The following SLC25A13 variants were observed in gnomAD, a reference collection of about 807,000 sequenced individuals.
SLC25A13 encodes the protein solute carrier family 25 member 13.
SLC25A13 carries 70 observed loss-of-function variants against 85.5 expected under a neutral mutation model. The observed-to-expected ratio is 0.82, with a 90% confidence interval of 0.68 to 1.00. The LOEUF is 1.00. SLC25A13 is among the 50% of genes least tolerant of loss of function. SLC25A13 has a pLI of 0.00. For missense variants in SLC25A13, 765 were observed against 819.8 expected (o/e 0.93, Z 0.82); for synonymous variants, 259 against 288.7 (o/e 0.90, Z 1.04).
intron 2 of SLC25A13, among the ~76,000 whole-genome samples, chr7:96,279,665 G>C (rs1029944748): frequency 6.6e-6 from 1 of 152,058 alleles, no homozygotes. Context: ...GTGAAATTTG[G>C]GTGGGGACAC....
Position 96,211,226 on chromosome 7 carries a change from G to C in SLC25A13, c.329-2249C>G, listed in dbSNP as rs535792305. ...CTTACTAGAGCTCACATTTGAATCCGAAACTCTAAACGCTATAGTTTTTTG... is the reference window on the plus strand; with the variant it reads ...CTTACTAGAGCTCACATTTGAATCCCAAACTCTAAACGCTATAGTTTTTTG... On this transcript the variant is annotated intron_variant, in intron 4 of 17. Coordinates refer to ENST00000265631, the MANE Select transcript of SLC25A13 (RefSeq NM_014251.3). Among the ~76,000 whole-genome samples, 5 of 152,180 alleles carry C rather than the reference G, an allele frequency of 3.3e-5. No individual in the cohort carries two copies. In the South Asian group the frequency reaches 1.0e-3, roughly 32 times the overall value.
At chr7:96,296,410 TCA>T (rs1037346629) in intron 2 of SLC25A13, among the ~76,000 whole-genome samples, 7 of 151,784 alleles carry the variant, frequency 4.6e-5, no homozygotes, top group African/African-American at 1.2e-4. Flanking sequence ...CATGTTGTCA[TCA>T]CAGTCACCTA....
intron 3 of SLC25A13, among the ~76,000 whole-genome samples, chr7:96,270,220 T>C (rs1222128709): frequency 6.6e-6 from 1 of 152,206 alleles, no homozygotes; most frequent in Non-Finnish European, 1.5e-5. Flanking sequence ...AAACATCATG[T>C]TGCATATCAT....
intron 11 of SLC25A13, among the ~76,000 whole-genome samples, chr7:96,174,943 A>C (rs932075542): frequency 6.6e-6 from 1 of 152,222 alleles, no homozygotes; most frequent in African/African-American, 2.4e-5. Flanking sequence ...CCTGGTACTG[A>C]GAGGAACTGG....
chr7:96,196,199 T>C (rs899430023), intron 5 of SLC25A13, among the ~76,000 whole-genome samples: 1 of 152,194 alleles, frequency 6.6e-6, no homozygotes, highest in African/African-American at 2.4e-5. Flanking sequence ...AAACACCCTG[T>C]AGTGAAAAAT....
intron 13 of SLC25A13, among the ~76,000 whole-genome samples, chr7:96,162,741 G>A (rs1471253056): frequency 1.3e-5 from 2 of 152,142 alleles, no homozygotes; most frequent in Non-Finnish European, 2.9e-5. Context: ...TTATGGATTA[G>A]AATAGTCAAA....
chr7:96,237,246 T>C (rs1023302186), intron 3 of SLC25A13, among the ~76,000 whole-genome samples: 3 of 152,222 alleles, frequency 2.0e-5, no homozygotes, highest in Non-Finnish European at 2.9e-5. Context: ...GTGCTTTGTG[T>C]TTGGCTTTCC....
intron 3 of SLC25A13, among the ~76,000 whole-genome samples, chr7:96,237,201 T>G (rs1363825161): frequency 6.6e-6 from 1 of 152,204 alleles, no homozygotes; most frequent in Non-Finnish European, 1.5e-5. Flanking sequence ...CTTACTCAGT[T>G]GCCTGGCAAT....
chr7:96,184,076 A>G (rs1243895969), intron 11 of SLC25A13, among the ~76,000 whole-genome samples: 1 of 152,218 alleles, frequency 6.6e-6, no homozygotes, highest in Non-Finnish European at 1.5e-5. Flanking sequence ...ACAGAGCACT[A>G]TAAATAATTT....
intron 2 of SLC25A13, among the ~76,000 whole-genome samples, chr7:96,282,438 A>G (rs1439825008): frequency 1.3e-5 from 2 of 152,146 alleles, no homozygotes; most frequent in South Asian, 2.1e-4. Context: ...AATCCCCTAC[A>G]TTGTTTTCCA....
intron 11 of SLC25A13, among the ~76,000 whole-genome samples, chr7:96,177,436 A>C (rs890078094): frequency 2.6e-5 from 4 of 152,236 alleles, no homozygotes; most frequent in Admixed American, 2.6e-4. Flanking sequence ...CTACCAGGTG[A>C]CAAAAGAGCC....
chr7:96,306,862 G>C, intron 1 of SLC25A13: 3 of 1,341,396 alleles, frequency 2.2e-6, no homozygotes, highest in Non-Finnish European at 3.2e-6. Context: ...AGAAGAAGGA[G>C]GAACCCAAGT....
intron 5 of SLC25A13, 65 bp from the exon 6 acceptor site, chr7:96,193,248 GT>G: frequency 6.4e-7 from 1 of 1,568,036 alleles, no homozygotes; most frequent in South Asian, 1.1e-5. Context: ...ACAAATGACA[GT>G]TCATTTTAAA....
intron 4 of SLC25A13, among the ~76,000 whole-genome samples, chr7:96,210,956 T>C (rs1795669243): frequency 1.3e-5 from 2 of 152,212 alleles, no homozygotes; most frequent in Non-Finnish European, 2.9e-5. Context: ...AAATAAGATT[T>C]TTCCCCTTCT....
chr7:96,137,331 ATGAC>A (rs1286898497), intron 14 of SLC25A13, among the ~76,000 whole-genome samples: 1 of 152,248 alleles, frequency 6.6e-6, no homozygotes, highest in Admixed American at 6.5e-5. Flanking sequence ...TGAAATATGA[ATGAC>A]TATTACTTGG....
At chr7:96,145,965 T>C (rs1792768525) in intron 14 of SLC25A13, among the ~76,000 whole-genome samples, 1 of 152,190 alleles carries the variant, frequency 6.6e-6, no homozygotes, top group Admixed American at 6.5e-5. Context: ...AACTTGTGTA[T>C]ACATTATGTT....
At chr7:96,278,690 T>C (rs910039122) in intron 2 of SLC25A13, among the ~76,000 whole-genome samples, 1 of 152,214 alleles carries the variant, frequency 6.6e-6, no homozygotes, top group Non-Finnish European at 1.5e-5. Flanking sequence ...TTATATTAAA[T>C]AAATGTTCTA....
chr7:96,277,798 TAA>T (rs5885954), intron 2 of SLC25A13, among the ~76,000 whole-genome samples: 1,589 of 146,982 alleles, frequency 0.011, 23 homozygotes, highest in African/African-American at 0.034. Flanking sequence ...CATAGCTTTT[TAA>T]AAAAAAAAAA....
At chr7:96,155,491 T>C (rs1484374218) in intron 13 of SLC25A13, among the ~76,000 whole-genome samples, 2 of 152,202 alleles carry the variant, frequency 1.3e-5, no homozygotes, top group African/African-American at 4.8e-5. Context: ...GCTGTGGCTC[T>C]GCCCACAGTG....
Sources: allele counts gnomAD v4.1 joint callset (sites outside exome capture counted in the v4.1 genomes callset), GRCh38; gene constraint gnomAD v4.1.1; transcripts MANE v1.5; gene names NCBI Gene and HGNC (gene_info 2026-07-23, HGNC 2026-07-21).